Variants in SELENOO observed in about 807,000 individuals in gnomAD.
The protein encoded by SELENOO is selenoprotein O.
Under a neutral mutation model 58.7 loss-of-function variants are expected in SELENOO, and 74 were observed. The ratio of observed to expected loss-of-function variants is 1.26; its 90% CI spans 1.04 to 1.53. SELENOO has a LOEUF of 1.53. SELENOO is among the 40% of genes most tolerant of loss of function. SELENOO has a pLI of 0.00. For missense variants in SELENOO, 1,149 were observed against 970.0 expected (o/e 1.18, Z -2.45); for synonymous variants, 543 against 453.2 (o/e 1.20, Z -2.52).
chr22:50,216,962 G>T lies in SELENOO; in HGVS notation c.1689-10G>T. The T allele has an allele frequency of 6.2e-7, 1 of 1,607,018 alleles. No homozygotes were observed. Reference sequence around the variant, plus strand: ...CCGGCTGTGACTCCAGAGCCCGGATGTCATTCCAGAGCCCGGCTGGACAAG... The same window carrying T: ...CCGGCTGTGACTCCAGAGCCCGGATTTCATTCCAGAGCCCGGCTGGACAAG... On this transcript the variant is annotated splice_polypyrimidine_tract_variant and intron_variant, in intron 7 of 8. Transcript: ENST00000380903.
In SELENOO at chr22:50,210,228, C is replaced by A; in HGVS notation, c.987C>A (p.Gly329=). The A allele has an allele frequency of 6.2e-7, 1 of 1,613,396 alleles. No individual in the cohort carries two copies. Among genetic ancestry groups the A allele is most frequent in the Non-Finnish European group, 8.5e-7 (1 of 1,179,952 alleles). The change falls in exon 4 of 9, where the codon GGC becomes GGA. Residue 329 remains glycine, a synonymous_variant. Transcript: ENST00000380903. ...ARMVAEWQCV[G]FCHGVLNTDN... is the part of the protein sequence containing the mutation. ...TGGTGGCCGAGTGGCAGTGTGTGGG[C>A]TTCTGCCACGGCGTGCTCAACACCG...
chr22:50,208,472 T>C (rs1341757609), intron 2 of SELENOO, 64 bp from the exon 3 acceptor site: 1 of 1,468,216 alleles, frequency 6.8e-7, no homozygotes, highest in Non-Finnish European at 9.2e-7. Flanking sequence ...CTTTTCCTTT[T>C]TCTTATTTTC....
Position 50,216,719 on chromosome 22 carries a change from C to T in SELENOO, c.1531C>T (p.Gln511Ter). ...GCTATCCATGATGCTGATGCTGGCG[C>T]AGTCAAACCCGCAGCTGTTCGCGCT... Reference protein sequence around the residue: ...RQLSMMLMLAQSNPQLFALMG... With the variant: ...RQLSMMLMLA Residue 511 changes from glutamine to a stop codon, truncating the protein, a stop_gained, in exon 7 of 9, where the codon CAG (glutamine) becomes TAG (stop). Coordinates refer to ENST00000380903, the MANE Select transcript of SELENOO (RefSeq NM_031454.2). LOFTEE classifies it high-confidence loss of function. 6.2e-6 allele frequency: 10 copies of T among 1,600,736 alleles called. No individual in the cohort carries two copies. Among genetic ancestry groups the T allele is most frequent in the Non-Finnish European group, 8.5e-6 (10 of 1,176,504 alleles).
chr22:50,213,953 T>C (rs2064388940), intron 5 of SELENOO, among the ~76,000 whole-genome samples: 2 of 152,178 alleles, frequency 1.3e-5, no homozygotes, highest in African/African-American at 2.4e-5. Flanking sequence ...CAACCCTAGA[T>C]GGTCTATCCA....
Position 50,217,103 on chromosome 22 carries a change from C to G in SELENOO, c.1820C>G (p.Ala607Gly), listed in dbSNP as rs748468145. ...TACATCGCGCAGAATGCCATCGAGG[C>G]TGCCGAGCGCGGGGACTTCTCAGAG... ...RNYIAQNAIE[A>G]AERGDFSEVR... The change falls in exon 8 of 9, where the codon GCT becomes GGT. Residue 607 changes from alanine to glycine, a missense_variant. Coordinates refer to ENST00000380903, the MANE Select transcript of SELENOO (RefSeq NM_031454.2). The G allele has an allele frequency of 5.6e-6, 9 of 1,612,874 alleles. No individual in the cohort carries two copies. The Admixed American group carries it at 1.5e-4, about 27-fold the overall frequency.
chr22:50,201,566 G>T lies in SELENOO; in HGVS notation c.530G>T (p.Gly177Val). 7.3e-7 allele frequency: 1 copy of T among 1,361,190 alleles called. No individual in the cohort carries two copies. Among genetic ancestry groups the T allele is most frequent in the Non-Finnish European group, 9.5e-7 (1 of 1,050,620 alleles). 84.3% of individuals were successfully genotyped at this position (1,361,190 alleles called of 1,614,324 possible). The change falls in exon 1 of 9, where the codon GGC (glycine) becomes GTC (valine). Residue 177 changes from glycine to valine, a missense_variant. Coordinates refer to ENST00000380903, the MANE Select transcript of SELENOO (RefSeq NM_031454.2). Reference sequence around the variant, plus strand: ...GAGCGCTGGGAGCTGCAGCTCAAGGGCGCCGGGCCCACGCCCTTCTCCAGG... The same window carrying T: ...GAGCGCTGGGAGCTGCAGCTCAAGGTCGCCGGGCCCACGCCCTTCTCCAGG... ...TGERWELQLKGAGPTPFSRQA... is the reference protein window; with the variant it reads ...TGERWELQLKVAGPTPFSRQA...
chr22:50,205,358 A>G (rs918263345), intron 1 of SELENOO, among the ~76,000 whole-genome samples: 2 of 152,318 alleles, frequency 1.3e-5, no homozygotes, highest in African/African-American at 4.8e-5. Context: ...GGCCAAGGTG[A>G]GAGGATCGCT....
chr22:50,207,852 C>T (rs1289396503), intron 2 of SELENOO, among the ~76,000 whole-genome samples: 2 of 137,160 alleles, frequency 1.5e-5, no homozygotes, highest in Non-Finnish European at 3.1e-5. Flanking sequence ...TGCATCTCCT[C>T]CCCGAGGACG....
At chr22:50,202,219 A>G (rs1325917594) in intron 1 of SELENOO, among the ~76,000 whole-genome samples, 2 of 151,668 alleles carry the variant, frequency 1.3e-5, no homozygotes. Context: ...TGACTAGGAA[A>G]GTGTACATTT....
intron 4 of SELENOO, 107 bp downstream of exon 4, chr22:50,210,418 C>T (rs2064360984): frequency 1.4e-6 from 2 of 1,452,510 alleles, no homozygotes; most frequent in African/African-American, 2.8e-5. Flanking sequence ...TGAGGGGGAG[C>T]CGAGGGGGCT....
At chr22:50,208,116 T>C (rs2064343981) in intron 2 of SELENOO, among the ~76,000 whole-genome samples, 1 of 152,038 alleles carries the variant, frequency 6.6e-6, no homozygotes, top group African/African-American at 2.4e-5. Flanking sequence ...GTTCTCTTTC[T>C]GCTGTAGGGC....
Position 50,201,674 on chromosome 22 carries a change from T to C in SELENOO, c.554+84T>C, listed in dbSNP as rs973315679. The C allele has an allele frequency of 2.9e-6, 3 of 1,036,942 alleles. No individual in the cohort carries two copies. In the African/African-American group the frequency reaches 5.0e-5, roughly 17 times the overall value. 64.2% of individuals were successfully genotyped at this position (1,036,942 alleles called of 1,614,324 possible). On this transcript the variant is annotated intron_variant, in intron 1 of 8. Coordinates refer to ENST00000380903, the MANE Select transcript of SELENOO (RefSeq NM_031454.2). ...TCCGCCCGGCGCGGTGTTGGGGGCG[T>C]CCGGCGGCTACTGCCAAGTGGGGCC...
chr22:50,208,755 G>T (rs1232851415), intron 3 of SELENOO, 39 bp downstream of exon 3: 1 of 1,581,960 alleles, frequency 6.3e-7, no homozygotes, highest in Admixed American at 1.7e-5. Flanking sequence ...GCGGGTGGAT[G>T]CTGGGTGTCC....
rs748792264 is a variant in SELENOO, at chr22:50,216,792, AGCAGTCTCGGCTGGAGCAGCTGAGTGCG to A, written c.1609_1636del (p.Arg538CysfsTer40). On this transcript the variant is annotated frameshift_variant, in exon 7 of 9. Coordinates refer to ENST00000380903, the MANE Select transcript of SELENOO (RefSeq NM_031454.2). LOFTEE classifies it high-confidence loss of function. Reference sequence around the variant, plus strand: ...GCCAGGGAGCTGGAGCGTGTGGAGCAGCAGTCTCGGCTGGAGCAGCTGAGTGCGGCAGAGCTGCAGAGCAGGAACCAGG... The same window carrying A: ...GCCAGGGAGCTGGAGCGTGTGGAGCAGCAGAGCTGCAGAGCAGGAACCAGG... The A allele has an allele frequency of 6.2e-7, 1 of 1,609,370 alleles. No individual in the cohort carries two copies. The highest frequency in any genetic ancestry group is 1.1e-5 in the South Asian group (1 of 90,992).
rs1161358831 is a variant in SELENOO, at chr22:50,206,369, A to G, written c.607A>G (p.Ser203Gly). The change falls in exon 2 of 9, where the codon AGC (serine) becomes GGC (glycine). Residue 203 changes from serine to glycine, a missense_variant. Physicochemically the swap from Ser to Gly is moderately conservative, Grantham distance 56. Coordinates refer to ENST00000380903, the MANE Select transcript of SELENOO (RefSeq NM_031454.2). ...LRSSIREFLC[S>G]EAMFHLGVPT... ...GTCAAGCATCCGGGAGTTTCTATGC[A>G]GCGAAGCCATGTTCCACCTGGGAGT... The G allele has an allele frequency of 1.9e-6, 3 of 1,614,106 alleles. No individual in the cohort carries two copies. The highest frequency in any genetic ancestry group is 2.5e-6 in the Non-Finnish European group (3 of 1,180,042).
Position 50,217,232 on chromosome 22 carries a change from A to AC in SELENOO, c.1877dup (p.Tyr627LeufsTer29), listed in dbSNP as rs747644059. On this transcript the variant is annotated frameshift_variant, in exon 9 of 9. Coordinates refer to ENST00000380903, the MANE Select transcript of SELENOO (RefSeq NM_031454.2). LOFTEE classifies it low-confidence loss of function (END_TRUNC). ...GCGGCGGGTGCTGAAACTACTGGAG[A>AC]CCCCTTACCACTGCGAGGCGGGGGC... 3.7e-6 allele frequency: 6 copies of AC among 1,610,442 alleles called. No homozygotes were observed. The highest frequency in any genetic ancestry group is 1.1e-5 in the South Asian group (1 of 90,942).
rs1475770498 is a variant in SELENOO at position 50,217,565 on chromosome 22, T to TG, written c.*198dup. 2 of 947,986 alleles carry TG rather than the reference T, an allele frequency of 2.1e-6. No homozygotes were observed. The highest frequency in any genetic ancestry group is 3.3e-5 in the African/African-American group (2 of 59,988). The allele number at this position is 947,986 out of a possible 1,614,324, so 58.7% of individuals were successfully genotyped here. A position where few individuals can be genotyped will look rare whatever the true frequency, so the allele number is the denominator to read the frequency against. On this transcript the variant is annotated 3_prime_UTR_variant, in exon 9 of 9. Transcript: ENST00000380903. ...CTGAGGCCGGCTCAGCAGTGCAGCC[T>TG]GGTCCCTGGGGGCTGGACCCAGGCT...
At chr22:50,206,242 C>T in intron 1 of SELENOO, 75 bp from the exon 2 acceptor site, 1 of 1,345,412 alleles carries the variant, frequency 7.4e-7, no homozygotes, top group Admixed American at 1.7e-5. Context: ...CCCTCCTTTC[C>T]ATGTGCTGCC....
intron 5 of SELENOO, among the ~76,000 whole-genome samples, chr22:50,211,746 C>G (rs2064372843): frequency 6.6e-6 from 1 of 152,162 alleles, no homozygotes; most frequent in Non-Finnish European, 1.5e-5. Context: ...TCTTGTTGCC[C>G]AGGCTGGAGT....
Sources: gnomAD v4.1 joint callset for allele counts (sites outside exome capture counted in the v4.1 genomes callset) on GRCh38, gnomAD v4.1.1 for gene constraint, MANE v1.5 for transcripts, NCBI Gene and HGNC (gene_info 2026-07-23, HGNC 2026-07-21) for gene names.